The following ASIC2 variants were observed in gnomAD, a reference collection of about 807,000 sequenced individuals.
ASIC2 encodes the protein acid-sensing ion channel 2.
ASIC2 carries 25 observed loss-of-function variants against 57.3 expected under a neutral mutation model. The observed-to-expected ratio is 0.44, with a 90% CI of 0.32 to 0.61. The LOEUF is 0.61. Ranked by LOEUF, ASIC2 falls within the 20% of genes least tolerant of loss-of-function variation. The pLI, the probability that ASIC2 is intolerant of heterozygous loss-of-function variation, is 0.06. For missense variants in ASIC2, 641 were observed against 738.1 expected (o/e 0.87, Z 1.52); for synonymous variants, 319 against 307.5 (o/e 1.04, Z -0.39).
chr17:33,303,147 A>G (rs1402637907), intron 1 of ASIC2, among the ~76,000 whole-genome samples: 1 of 152,224 alleles, frequency 6.6e-6, no homozygotes. Context: ...ATTCCAACTC[A>G]AGTGTGATTC....
In ASIC2 at chr17:33,953,169, C is replaced by A. The variant is rs552887275; in HGVS notation, c.555+202809G>T. Among the ~76,000 whole-genome samples the A allele has an allele frequency of 3.9e-5, 6 of 152,194 alleles. No homozygotes were observed. In the East Asian group the frequency reaches 1.2e-3, roughly 29 times the overall value. On this transcript the variant is annotated intron_variant, in intron 1 of 9. Transcript: ENST00000359872. ...AAAAATAATGTGTTAAGAGTAATTACCACTGAGATGTGAGATTTTGAATGA... is the reference window on the plus strand; with the variant it reads ...AAAAATAATGTGTTAAGAGTAATTAACACTGAGATGTGAGATTTTGAATGA...
At chr17:33,964,073 T>C (rs1325293450) in intron 1 of ASIC2, among the ~76,000 whole-genome samples, 1 of 152,244 alleles carries the variant, frequency 6.6e-6, no homozygotes, top group Non-Finnish European at 1.5e-5. Flanking sequence ...GCTGTGCTCA[T>C]GGCAGCCATC....
intron 1 of ASIC2, among the ~76,000 whole-genome samples, chr17:33,720,433 T>C (rs1389955623): frequency 6.6e-6 from 1 of 152,224 alleles, no homozygotes; most frequent in Non-Finnish European, 1.5e-5. Context: ...GCAGAGTGGG[T>C]ATGATCCTTA....
At chr17:33,490,964 A>G (rs1000935561) in intron 1 of ASIC2, among the ~76,000 whole-genome samples, 8 of 151,958 alleles carry the variant, frequency 5.3e-5, no homozygotes, top group African/African-American at 1.7e-4. Flanking sequence ...AATTCAGAAT[A>G]CCTTTGTTGA....
intron 1 of ASIC2, chr17:33,627,355 C>T (rs1266933351): frequency 6.6e-6 from 1 of 152,250 alleles, no homozygotes; most frequent in Non-Finnish European, 1.5e-5. Flanking sequence ...AGTTTGGGTG[C>T]TTTATTTATT....
intron 1 of ASIC2, among the ~76,000 whole-genome samples, chr17:33,941,926 C>G (rs994009748): frequency 3.3e-5 from 5 of 152,154 alleles, no homozygotes; most frequent in Admixed American, 1.3e-4. Context: ...CCCGGGGCAA[C>G]TCAGGCTAGG....
At chr17:33,346,226 CAAAAAAAAAAAAA>C (rs57042563) in intron 1 of ASIC2, among the ~76,000 whole-genome samples, 7 of 57,772 alleles carry the variant, frequency 1.2e-4, no homozygotes, top group South Asian at 9.5e-4. Flanking sequence ...GATTCCCTCT[CAAAAAAAAAAAAA>C]AAAAAAAAAA....
intron 3 of ASIC2, among the ~76,000 whole-genome samples, chr17:33,067,667 G>A (rs2092049441): frequency 6.6e-6 from 1 of 152,170 alleles, no homozygotes; most frequent in East Asian, 1.9e-4. Flanking sequence ...CAGGTTTAGG[G>A]ATGCCTGTAA....
chr17:34,069,871 G>C (rs1598005966), intron 1 of ASIC2: 1 of 152,138 alleles, frequency 6.6e-6, no homozygotes, highest in East Asian at 1.9e-4. Flanking sequence ...AGTGGTTTAG[G>C]CTTGAAGCCC....
At chr17:33,233,916 C>G (rs1299197433) in intron 1 of ASIC2, among the ~76,000 whole-genome samples, 1 of 152,196 alleles carries the variant, frequency 6.6e-6, no homozygotes, top group East Asian at 1.9e-4. Context: ...TTTCTTTAGG[C>G]GGGACAGCCC....
At chr17:33,227,803 A>T (rs1907944149) in intron 1 of ASIC2, among the ~76,000 whole-genome samples, 1 of 152,234 alleles carries the variant, frequency 6.6e-6, no homozygotes, top group Admixed American at 6.5e-5. Context: ...TTGCTCCAGG[A>T]TTCAGCTGGT....
rs2092164345 is a variant in ASIC2 at position 33,093,144 on chromosome 17, ATGT to A, written c.860-4157_860-4155del. On this transcript the variant is annotated intron_variant, in intron 2 of 9. Coordinates refer to ENST00000225823, the MANE Select transcript of ASIC2 (RefSeq NM_183377.2). ...AAAATGCAGGACCCCTTGTTAAAAA[ATGT>A]TGTTAAAAATTTATAAAAGTAAGCA... Among the ~76,000 whole-genome samples, 4 of 152,354 alleles carry A rather than the reference ATGT, an allele frequency of 2.6e-5. No homozygotes were observed. In the East Asian group the frequency reaches 5.8e-4, roughly 22 times the overall value.
At chr17:33,566,351 C>G (rs1916233151) in intron 1 of ASIC2, among the ~76,000 whole-genome samples, 1 of 152,140 alleles carries the variant, frequency 6.6e-6, no homozygotes, top group Non-Finnish European at 1.5e-5. Flanking sequence ...TTCCACAGTC[C>G]CTGCTGGGCC....
intron 1 of ASIC2, among the ~76,000 whole-genome samples, chr17:33,254,352 G>A (rs1274474533): frequency 5.3e-5 from 8 of 152,220 alleles, no homozygotes; most frequent in Admixed American, 6.5e-5. Flanking sequence ...TGTATATCTC[G>A]GACATGATCA....
chr17:33,366,304 C>T (rs1355537452), intron 1 of ASIC2, among the ~76,000 whole-genome samples: 1 of 152,234 alleles, frequency 6.6e-6, no homozygotes, highest in Admixed American at 6.5e-5. Flanking sequence ...CTCTTGGGGA[C>T]AGCATTCAAA....
chr17:33,142,068 T>A (rs1279027879), intron 1 of ASIC2, among the ~76,000 whole-genome samples: 1 of 152,214 alleles, frequency 6.6e-6, no homozygotes, highest in Admixed American at 6.5e-5. Flanking sequence ...TACAAACCCC[T>A]CAAGAGCAAA....
chr17:33,737,415 C>T (rs1909949948), intron 1 of ASIC2, among the ~76,000 whole-genome samples: 1 of 152,208 alleles, frequency 6.6e-6, no homozygotes. Flanking sequence ...GTAGGACCTC[C>T]TGTCTCTTTC....
intron 1 of ASIC2, among the ~76,000 whole-genome samples, chr17:33,649,472 A>C (rs1468729353): frequency 1.3e-5 from 2 of 152,246 alleles, no homozygotes; most frequent in Non-Finnish European, 2.9e-5. Context: ...ATTGACATAC[A>C]GGTTTAATGC....
chr17:33,742,176 C>A (rs1169599841), intron 1 of ASIC2, among the ~76,000 whole-genome samples: 1 of 152,218 alleles, frequency 6.6e-6, no homozygotes, highest in Non-Finnish European at 1.5e-5. Context: ...AAGAATGGAA[C>A]ATGACCCATC....
Sources: gnomAD v4.1 joint callset for allele counts (sites outside exome capture counted in the v4.1 genomes callset) on GRCh38, gnomAD v4.1.1 for gene constraint, MANE v1.5 for transcripts, NCBI Gene and HGNC (gene_info 2026-07-23, HGNC 2026-07-21) for gene names.